KCNIP4: variants seen among roughly 807,000 people sequenced by gnomAD.
The protein encoded by KCNIP4 is potassium voltage-gated channel interacting protein 4.
In KCNIP4, 12 loss-of-function variants were observed where a neutral mutation model predicts 34.0. The ratio of observed to expected loss-of-function variants is 0.35; its 90% confidence interval spans 0.23 to 0.57. The LOEUF (loss-of-function observed/expected upper bound fraction) is 0.57, where lower values mean the gene tolerates loss of function less well. Ranked by LOEUF, KCNIP4 falls within the 20% of genes least tolerant of loss-of-function variation. The pLI is 0.83. For missense variants in KCNIP4, 238 were observed against 311.7 expected (o/e 0.76, Z 1.78); for synonymous variants, 124 against 102.2 (o/e 1.21, Z -1.29).
At chr4:21,328,802 G>A (rs145491930) in intron 1 of KCNIP4, among the ~76,000 whole-genome samples, 126 of 152,306 alleles carry the variant, frequency 8.3e-4, no homozygotes, top group African/African-American at 2.9e-3. Flanking sequence ...ACAAAACAAA[G>A]CCCTTCCTAC....
At chr4:21,366,531 C>A (rs1335082759) in intron 1 of KCNIP4, among the ~76,000 whole-genome samples, 1 of 152,174 alleles carries the variant, frequency 6.6e-6, no homozygotes, top group Non-Finnish European at 1.5e-5. Flanking sequence ...AGACAGAGCA[C>A]TAACGATGGG....
intron 1 of KCNIP4, among the ~76,000 whole-genome samples, chr4:21,518,245 C>G (rs1177630258): frequency 6.6e-6 from 1 of 152,164 alleles, no homozygotes; most frequent in Non-Finnish European, 1.5e-5. Flanking sequence ...AGTCCATAGA[C>G]AGACACAGTA....
chr4:21,444,146 C>CA (rs1331535210), intron 1 of KCNIP4, among the ~76,000 whole-genome samples: 5 of 151,890 alleles, frequency 3.3e-5, no homozygotes, highest in Middle Eastern at 3.2e-3. Context: ...GCTTACCAAC[C>CA]AAAAAAAGTC....
At chr4:21,039,351 T>C (rs1340374513) in intron 1 of KCNIP4, among the ~76,000 whole-genome samples, 1 of 145,962 alleles carries the variant, frequency 6.9e-6, no homozygotes, top group East Asian at 2.0e-4. Context: ...GCCTGGGCGA[T>C]GGAGCAAGAC....
At chr4:21,380,200 C>G (rs993864390) in intron 1 of KCNIP4, among the ~76,000 whole-genome samples, 1 of 152,050 alleles carries the variant, frequency 6.6e-6, no homozygotes, top group African/African-American at 2.4e-5. Flanking sequence ...TTACTCTTGT[C>G]TGGGACATAG....
chr4:21,005,489 C>A (rs560288618), intron 1 of KCNIP4, among the ~76,000 whole-genome samples: 240 of 152,116 alleles, frequency 1.6e-3, no homozygotes, highest in African/African-American at 5.5e-3. Context: ...TGGCTCAATT[C>A]TAATTAATAT....
intron 1 of KCNIP4, among the ~76,000 whole-genome samples, chr4:21,358,886 C>A (rs1344618730): frequency 2.0e-5 from 3 of 152,070 alleles, no homozygotes; most frequent in Non-Finnish European, 4.4e-5. Context: ...AGTTGTCCTA[C>A]CTTTGCTTCG....
At chr4:21,263,699 A>G (rs758485862) in intron 1 of KCNIP4, among the ~76,000 whole-genome samples, 2 of 152,130 alleles carry the variant, frequency 1.3e-5, no homozygotes, top group Non-Finnish European at 2.9e-5. Context: ...ACAGGGTCTC[A>G]CTGTGTCATG....
chr4:21,469,226 G>A (rs1000309199), intron 1 of KCNIP4, among the ~76,000 whole-genome samples: 2 of 151,892 alleles, frequency 1.3e-5, no homozygotes, highest in African/African-American at 4.8e-5. Flanking sequence ...CACCATGCCT[G>A]GCTATTTTCT....
intron 1 of KCNIP4, among the ~76,000 whole-genome samples, chr4:21,877,037 A>G (rs1726160958): frequency 6.6e-6 from 1 of 152,110 alleles, no homozygotes; most frequent in South Asian, 2.1e-4. Flanking sequence ...CAATATCAGC[A>G]GATTTAAAAA....
intron 1 of KCNIP4, among the ~76,000 whole-genome samples, chr4:21,643,236 A>G (rs1746744822): frequency 6.6e-6 from 1 of 152,116 alleles, no homozygotes; most frequent in Non-Finnish European, 1.5e-5. Flanking sequence ...TTGACTTTAT[A>G]TTATAGTACT....
At chr4:21,370,021 G>A (rs1720178458) in intron 1 of KCNIP4, among the ~76,000 whole-genome samples, 1 of 146,652 alleles carries the variant, frequency 6.8e-6, no homozygotes, top group Non-Finnish European at 1.5e-5. Context: ...TAGAGACGGG[G>A]TTTCACCGTG....
At chr4:21,225,633 C>T (rs750595164) in intron 1 of KCNIP4, among the ~76,000 whole-genome samples, 5 of 152,088 alleles carry the variant, frequency 3.3e-5, no homozygotes, top group Non-Finnish European at 5.9e-5. Flanking sequence ...TGACACTCCT[C>T]TTATAGGATG....
chr4:21,446,012 C>T (rs1162921808), intron 1 of KCNIP4, among the ~76,000 whole-genome samples: 2 of 152,120 alleles, frequency 1.3e-5, no homozygotes, highest in Non-Finnish European at 2.9e-5. Flanking sequence ...AGCCAACAGA[C>T]ACAGGAAAAA....
intron 1 of KCNIP4, among the ~76,000 whole-genome samples, chr4:21,088,433 G>A (rs1295947327): frequency 6.6e-6 from 1 of 151,802 alleles, no homozygotes; most frequent in Non-Finnish European, 1.5e-5. Flanking sequence ...GTTCATTCTT[G>A]CCCTTCATTT....
chr4:21,247,212 AT>A (rs1364334866), intron 1 of KCNIP4, among the ~76,000 whole-genome samples: 1 of 152,176 alleles, frequency 6.6e-6, no homozygotes, highest in African/African-American at 2.4e-5. Flanking sequence ...CAACTTGTTT[AT>A]AGGTCACACA....
chr4:20,780,204 C>T (rs1037218102), intron 3 of KCNIP4, among the ~76,000 whole-genome samples: 1 of 152,136 alleles, frequency 6.6e-6, no homozygotes, highest in African/African-American at 2.4e-5. Flanking sequence ...GGGCTTAAGA[C>T]AGTTGAATGG....
chr4:21,175,836 T>C (rs1754363622), intron 1 of KCNIP4, among the ~76,000 whole-genome samples: 1 of 152,178 alleles, frequency 6.6e-6, no homozygotes, highest in Non-Finnish European at 1.5e-5. Context: ...AGATGGCAGC[T>C]GACCACAGAT....
At chr4:21,350,067 T>C (rs1425178920) in intron 1 of KCNIP4, among the ~76,000 whole-genome samples, 3 of 152,134 alleles carry the variant, frequency 2.0e-5, no homozygotes, top group Non-Finnish European at 4.4e-5. Flanking sequence ...ATATTATAAT[T>C]AGAGAAATAA....
Sources: gnomAD v4.1 joint callset for allele counts (sites outside exome capture counted in the v4.1 genomes callset) on GRCh38, gnomAD v4.1.1 for gene constraint, MANE v1.5 for transcripts, NCBI Gene and HGNC (gene_info 2026-07-23, HGNC 2026-07-21) for gene names.